The following FAM234A variants were observed in gnomAD, a reference collection of about 807,000 sequenced individuals.
FAM234A encodes protein FAM234A.
Under a neutral mutation model 49.1 loss-of-function variants are expected in FAM234A, and 42 were observed. The ratio of observed to expected loss-of-function variants is 0.86; its 90% confidence interval spans 0.67 to 1.11. The LOEUF (loss-of-function observed/expected upper bound fraction) is 1.11, where lower values mean the gene tolerates loss of function less well. Ranked by LOEUF, FAM234A falls within the 50% of genes least tolerant of loss-of-function variation. The pLI, the probability that FAM234A is intolerant of heterozygous loss-of-function variation, is 0.00. For missense variants in FAM234A, 815 were observed against 745.2 expected (o/e 1.09, Z -1.09); for synonymous variants, 369 against 316.2 (o/e 1.17, Z -1.77).
chr16:240,731 A>G (rs1192214129), intron 1 of FAM234A, among the ~76,000 whole-genome samples: 1 of 151,914 alleles, frequency 6.6e-6, no homozygotes, highest in Non-Finnish European at 1.5e-5. Context: ...CGCACTCCTG[A>G]CCTCAAGTGA....
downstream of FAM234A, among the ~76,000 whole-genome samples, chr16:267,796 ACAC>A (rs570772494): frequency 6.3e-4 from 69 of 109,602 alleles, no homozygotes; most frequent in African/African-American, 2.9e-3. Context: ...GCCTCACAGT[ACAC>A]CACACGTGCA....
In FAM234A at chr16:265,835, G is replaced by C. The variant is rs1434242882; in HGVS notation, c.*813G>C. 3.0e-6 allele frequency: 3 copies of C among 985,872 alleles called. No individual in the cohort carries two copies. The highest frequency in any genetic ancestry group is 2.3e-4 in the East Asian group (2 of 8,824). The allele number at this position is 985,872 out of a possible 1,614,324, so 61.1% of individuals were successfully genotyped here. On this transcript the variant is annotated 3_prime_UTR_variant, in exon 13 of 13. Transcript: ENST00000399932. ...TGCCCTCTCAGTAGACACTGGAGCT[G>C]CTCTGTCCCTGAAGAGGCCCCGTGC...
In FAM234A at chr16:259,551, A is replaced by G. The variant is rs775880986; in HGVS notation, c.337A>G (p.Lys113Glu). 4.3e-6 allele frequency: 7 copies of G among 1,612,942 alleles called. No individual in the cohort carries two copies. In the Admixed American group the frequency reaches 5.0e-5, roughly 12 times the overall value. ...DRIQDVLFLY[K>E]NTNSSNNFSR... ...GATCCAAGATGTTCTTTTTCTTTAT[A>G]AAAACACCAACAGCAGCAACAATTT... Residue 113 changes from lysine to glutamate, a missense_variant, in exon 4 of 13, where the codon AAA becomes GAA. Lys to Glu is a moderately conservative substitution (Grantham distance 56, BLOSUM62 1). Transcript: ENST00000399932.
chr16:263,744 C>T lies in FAM234A; in HGVS notation c.1157C>T (p.Ala386Val), dbSNP rs370368032. Reference sequence around the variant, plus strand: ...TACAAACCAGACACCTTGGCTGTAGCCGTTGAAAACGGAACTGGCACCGAC... The same window carrying T: ...TACAAACCAGACACCTTGGCTGTAGTCGTTGAAAACGGAACTGGCACCGAC... ...GRYKPDTLAV[A>V]VENGTGTDRQ... Residue 386 changes from alanine (A) to valine (V), a missense_variant, in exon 10 of 13, where the codon GCC becomes GTC. Physicochemically the swap from Ala to Val is moderately conservative, Grantham distance 64. Transcript: ENST00000399932. 8.7e-6 allele frequency: 14 copies of T among 1,613,958 alleles called. No homozygotes were observed. The highest frequency in any genetic ancestry group is 3.3e-5 in the Admixed American group (2 of 60,012).
rs117105880 is a variant in FAM234A at position 254,410 on chromosome 16, C to T, written c.-4C>T. ...CAGGAGTTAAACTTTGGGATGTGCC[C>T]GTGATGTTGGACCACAAGGACTTAG... is the stretch of plus-strand genomic sequence containing the variant. On this transcript the variant is annotated 5_prime_UTR_variant, in exon 3 of 13. Transcript: ENST00000399932. 49,489 of 1,613,370 alleles carry T rather than the reference C, an allele frequency of 0.031. 893 individuals are homozygous for T. The highest frequency in any genetic ancestry group is 0.038 in the Non-Finnish European group (44,771 of 1,179,624).
chr16:269,689 A>AGAGT (rs1025909881), downstream of FAM234A: 10 of 923,282 alleles, frequency 1.1e-5, no homozygotes, highest in African/African-American at 3.3e-5. Context: ...CTCCAGCCAC[A>AGAGT]GAGTCTCCGG....
At chr16:261,540 C>G in intron 6 of FAM234A, 26 bp downstream of exon 6, 1 of 1,559,658 alleles carries the variant, frequency 6.4e-7, no homozygotes, top group Non-Finnish European at 8.7e-7. Context: ...GCTCTGCTCC[C>G]AAGTCACGAG....
rs184412976 is a variant in FAM234A, at chr16:236,916, A to C, written c.-140+2059A>C. ...CGAGACTGTCTCAAAAAAATAAAAT[A>C]AAATAAATAAATAAATTATTTTGTA... On this transcript the variant is annotated intron_variant, in intron 1 of 12. Coordinates refer to ENST00000399932, the MANE Select transcript of FAM234A (RefSeq NM_032039.4). 5.0e-4 allele frequency among the ~76,000 whole-genome samples: 75 copies of C among 150,146 alleles called. 10 individuals carry two copies. Among genetic ancestry groups the C allele is most frequent in the Middle Eastern group, 6.8e-3 (2 of 294 alleles).
downstream of FAM234A, chr16:268,789 G>A (rs1262354698): frequency 1.9e-6 from 3 of 1,550,098 alleles, no homozygotes; most frequent in African/African-American, 2.7e-5. Context: ...CACACTGGGC[G>A]ACAGCGGAGA....
intron 11 of FAM234A, 110 bp downstream of exon 11, chr16:264,281 A>G: frequency 5.1e-6 from 6 of 1,183,994 alleles, no homozygotes; most frequent in Non-Finnish European, 7.0e-6. Flanking sequence ...GCAACCTCAC[A>G]TAAGTTGAAG....
rs111875742 is a variant in FAM234A, at chr16:265,608, G to A, written c.*586G>A. On this transcript the variant is annotated 3_prime_UTR_variant, in exon 13 of 13. Transcript: ENST00000399932. ...TACAGGGGGATCCTCTAGCATGGGG[G>A]GTGTGACTTGGTTCCTTTGACCAGG... 1.0e-5 allele frequency: 10 copies of A among 985,642 alleles called. No individual in the cohort carries two copies. In the African/African-American group the frequency reaches 1.0e-4, roughly 10 times the overall value. The allele number at this position is 985,642 out of a possible 1,614,324, so 61.1% of individuals were successfully genotyped here. A position where few individuals can be genotyped will look rare whatever the true frequency, so the allele number is the denominator to read the frequency against.
intron 1 of FAM234A, chr16:248,103 C>G (rs1486844000): frequency 1.3e-5 from 2 of 152,084 alleles, no homozygotes; most frequent in African/African-American, 4.8e-5. Flanking sequence ...TGTGATATGT[C>G]TTATTTCATT....
intron 5 of FAM234A, chr16:260,564 T>G (rs908860756): frequency 2.1e-6 from 1 of 477,502 alleles, no homozygotes; most frequent in Non-Finnish European, 4.3e-6. Context: ...GGCCTGTCAG[T>G]GCCCCTAAGC....
chr16:235,646 G>C lies in FAM234A; in HGVS notation c.-140+789G>C, dbSNP rs964239699. ...ATGTACTGGCTGCCGGTGTCTTTAC[G>C]GCGCCAGCATCAGATTACACTACTT... On this transcript the variant is annotated intron_variant, in intron 1 of 12. Transcript: ENST00000399932. 3.9e-5 allele frequency among the ~76,000 whole-genome samples: 6 copies of C among 152,132 alleles called. No homozygotes were observed. In the East Asian group the frequency reaches 1.2e-3, roughly 29 times the overall value.
intron 1 of FAM234A, among the ~76,000 whole-genome samples, chr16:236,691 G>A (rs1172336707): frequency 6.6e-6 from 1 of 150,560 alleles, no homozygotes; most frequent in Non-Finnish European, 1.5e-5. Context: ...CGGATCACGA[G>A]GTCAGGAGAT....
intron 5 of FAM234A, 71 bp from the exon 6 acceptor site, chr16:261,313 G>C (rs2051455481): frequency 6.4e-7 from 1 of 1,555,628 alleles, no homozygotes; most frequent in South Asian, 1.2e-5. Flanking sequence ...CCTGTCACAG[G>C]CCTTGCAGTT....
At chr16:236,397 G>A (rs1432949637) in intron 1 of FAM234A, among the ~76,000 whole-genome samples, 4 of 151,856 alleles carry the variant, frequency 2.6e-5, no homozygotes, top group Non-Finnish European at 5.9e-5. Flanking sequence ...GTTTGGGGTA[G>A]GCGGATCACT....
At chr16:263,431 G>C (rs763913420) in intron 9 of FAM234A, 29 bp downstream of exon 9, 3 of 1,601,300 alleles carry the variant, frequency 1.9e-6, no homozygotes, top group Non-Finnish European at 2.5e-6. Flanking sequence ...GACCGCGCAG[G>C]TGCTGCACCC....
chr16:269,194 C>T (rs898911537), downstream of FAM234A: 27 of 1,185,388 alleles, frequency 2.3e-5, no homozygotes, highest in Non-Finnish European at 2.8e-5. Flanking sequence ...GGACCTGGGC[C>T]AAGACGGGGG....
Sources: gnomAD v4.1 joint callset for allele counts (sites outside exome capture counted in the v4.1 genomes callset) on GRCh38, gnomAD v4.1.1 for gene constraint, MANE v1.5 for transcripts, NCBI Gene and HGNC (gene_info 2026-07-23, HGNC 2026-07-21) for gene names.